Variants in DACH1 observed in about 807,000 individuals in gnomAD.
The protein encoded by DACH1 is dachshund homolog 1.
Under a neutral mutation model 54.2 loss-of-function variants are expected in DACH1, and 12 were observed. That is an observed-to-expected ratio of 0.22 (90% CI 0.14 to 0.36). The LOEUF is 0.36. DACH1 is among the 10% of genes least tolerant of loss of function. The pLI is 1.00. For missense variants in DACH1, 805 were observed against 929.8 expected (o/e 0.87, Z 1.75); for synonymous variants, 386 against 366.2 (o/e 1.05, Z -0.62).
At chr13:71,825,727 T>C (rs1888352755) in intron 1 of DACH1, among the ~76,000 whole-genome samples, 2 of 152,138 alleles carry the variant, frequency 1.3e-5, no homozygotes, top group Admixed American at 1.3e-4. Context: ...GCTTGTTATT[T>C]TGTTTGGGCT....
intron 3 of DACH1, among the ~76,000 whole-genome samples, chr13:71,617,161 GC>G (rs1436732080): frequency 1.3e-5 from 2 of 152,046 alleles, no homozygotes; most frequent in Non-Finnish European, 1.5e-5. Flanking sequence ...GAGCCACTCT[GC>G]CCAGCAGGGT....
chr13:71,563,390 G>C (rs1354844967), intron 4 of DACH1, among the ~76,000 whole-genome samples: 1 of 151,922 alleles, frequency 6.6e-6, no homozygotes, highest in Non-Finnish European at 1.5e-5. Context: ...TTTCTTGGTA[G>C]TGCTAATGGA....
chr13:71,545,743 G>A (rs1319600352), intron 6 of DACH1, among the ~76,000 whole-genome samples: 2 of 151,914 alleles, frequency 1.3e-5, no homozygotes, highest in South Asian at 2.1e-4. Flanking sequence ...GAACCATAAA[G>A]ACAAATGTAA....
At chr13:71,757,079 G>A (rs114623775) in intron 1 of DACH1, among the ~76,000 whole-genome samples, 9 of 152,136 alleles carry the variant, frequency 5.9e-5, no homozygotes, top group Admixed American at 2.0e-4. Flanking sequence ...TGTAACACAC[G>A]TTTGAAGATT....
At chr13:71,739,206 C>T (rs555227343) in intron 1 of DACH1, among the ~76,000 whole-genome samples, 13 of 151,988 alleles carry the variant, frequency 8.6e-5, no homozygotes, top group South Asian at 8.3e-4. Flanking sequence ...GAGCCGAGAT[C>T]GCGCCATTGC....
At chr13:71,705,754 CT>C (rs535129726) in intron 1 of DACH1, among the ~76,000 whole-genome samples, 566 of 144,950 alleles carry the variant, frequency 3.9e-3, no homozygotes, top group Admixed American at 5.7e-3. Flanking sequence ...AAAAGTCTTT[CT>C]TTTTTTTTTT....
intron 3 of DACH1, among the ~76,000 whole-genome samples, chr13:71,576,662 T>C (rs1185144160): frequency 6.6e-6 from 1 of 152,136 alleles, no homozygotes; most frequent in Non-Finnish European, 1.5e-5. Flanking sequence ...GTTTTCGTTT[T>C]CCTCTAATTA....
At chr13:71,583,204 C>A (rs1402846906) in intron 3 of DACH1, among the ~76,000 whole-genome samples, 13 of 152,026 alleles carry the variant, frequency 8.6e-5, no homozygotes, top group Non-Finnish European at 1.6e-4. Flanking sequence ...GGTAAAGTTA[C>A]ACAATGATTC....
At chr13:71,564,350 C>T (rs974866093) in intron 4 of DACH1, among the ~76,000 whole-genome samples, 1 of 151,852 alleles carries the variant, frequency 6.6e-6, no homozygotes, top group African/African-American at 2.4e-5. Flanking sequence ...AATACTTCAA[C>T]ACACTCCTTT....
At chr13:71,797,685 T>C (rs1887114044) in intron 1 of DACH1, among the ~76,000 whole-genome samples, 1 of 152,112 alleles carries the variant, frequency 6.6e-6, no homozygotes, top group African/African-American at 2.4e-5. Flanking sequence ...GGTTGATTTA[T>C]TGAGTGAGCT....
At chr13:71,796,309 A>G (rs56677828) in intron 1 of DACH1, among the ~76,000 whole-genome samples, 1,546 of 152,258 alleles carry the variant, frequency 0.01, 18 homozygotes, top group African/African-American at 0.036. Context: ...GTTGGATAAA[A>G]ATAGTTAATG....
At chr13:71,459,051 C>T (rs1875840754) in intron 10 of DACH1, among the ~76,000 whole-genome samples, 1 of 151,618 alleles carries the variant, frequency 6.6e-6, no homozygotes, top group South Asian at 2.1e-4. Context: ...CAATAGTTTG[C>T]CAAAGTTCAT....
chr13:71,750,353 CA>C (rs1884872292), intron 1 of DACH1, among the ~76,000 whole-genome samples: 1 of 152,038 alleles, frequency 6.6e-6, no homozygotes. Flanking sequence ...TACACTGCCG[CA>C]AAAATGCCAC....
intron 10 of DACH1, among the ~76,000 whole-genome samples, chr13:71,470,306 G>GT (rs77059745): frequency 3.3e-5 from 3 of 91,236 alleles, no homozygotes; most frequent in African/African-American, 1.0e-4. Context: ...CCTTCTTTCT[G>GT]TTTTTTCTTT....
intron 1 of DACH1, among the ~76,000 whole-genome samples, chr13:71,749,277 C>A (rs1884815484): frequency 6.6e-6 from 1 of 152,052 alleles, no homozygotes; most frequent in Non-Finnish European, 1.5e-5. Context: ...GCCACTTTGC[C>A]TGGCCCTATT....
chr13:71,546,116 G>A (rs1247015751), intron 6 of DACH1, among the ~76,000 whole-genome samples: 1 of 152,028 alleles, frequency 6.6e-6, no homozygotes, highest in Non-Finnish European at 1.5e-5. Context: ...GGCTCCATAT[G>A]TCAAACAGAT....
chr13:71,799,906 T>G (rs1049543449), intron 1 of DACH1, among the ~76,000 whole-genome samples: 1 of 152,160 alleles, frequency 6.6e-6, no homozygotes, highest in South Asian at 2.1e-4. Flanking sequence ...GTGTCTTATA[T>G]GTGTGTACAC....
At chr13:71,629,602 T>C (rs973782975) in intron 3 of DACH1, among the ~76,000 whole-genome samples, 4 of 152,246 alleles carry the variant, frequency 2.6e-5, no homozygotes, top group Non-Finnish European at 4.4e-5. Flanking sequence ...TATGTCTTAA[T>C]GGATTGAAAG....
At chr13:71,774,370 T>G (rs958318704) in intron 1 of DACH1, among the ~76,000 whole-genome samples, 1 of 152,074 alleles carries the variant, frequency 6.6e-6, no homozygotes, top group Admixed American at 6.6e-5. Flanking sequence ...AACATGCAAA[T>G]AGACTGGACA....
Sources: gnomAD v4.1 joint callset for allele counts (sites outside exome capture counted in the v4.1 genomes callset) on GRCh38, gnomAD v4.1.1 for gene constraint, MANE v1.5 for transcripts, NCBI Gene and HGNC (gene_info 2026-07-23, HGNC 2026-07-21) for gene names.